The following ZNF346 variants were observed in gnomAD, a reference collection of about 807,000 sequenced individuals.
The protein encoded by ZNF346 is zinc finger protein 346.
Under a neutral mutation model 33.7 loss-of-function variants are expected in ZNF346, and 23 were observed. The ratio of observed to expected loss-of-function variants is 0.68; its 90% CI spans 0.49 to 0.97. ZNF346 has a LOEUF of 0.97. Ranked by LOEUF, ZNF346 falls within the 50% of genes least tolerant of loss-of-function variation. ZNF346 has a pLI of 0.00. For missense variants in ZNF346, 340 were observed against 371.1 expected, an observed-to-expected ratio of 0.92 and a Z score of 0.69; for synonymous variants, 134 against 142.4, an observed-to-expected ratio of 0.94 and a Z score of 0.42.
At chr5:177,050,655 C>A in intron 4 of ZNF346, 96 bp from the exon 5 acceptor site, 1 of 1,382,188 alleles carries the variant, frequency 7.2e-7, no homozygotes, top group Non-Finnish European at 1.0e-6. Context: ...AAAAGCCTGA[C>A]ACCTTCTGGG....
intron 5 of ZNF346, chr5:177,052,294 A>C (rs1446802806): frequency 2.6e-5 from 4 of 151,708 alleles, no homozygotes; most frequent in East Asian, 3.9e-4. Flanking sequence ...CAGCCTCCTG[A>C]GTAGCTGGGA....
intron 1 of ZNF346, among the ~76,000 whole-genome samples, chr5:177,028,704 T>A (rs1777223386): frequency 8.9e-6 from 1 of 111,788 alleles, no homozygotes; most frequent in Non-Finnish European, 1.6e-5. Context: ...AACAAGCCCC[T>A]TTCTTTTTTT....
At chr5:177,044,785 T>G (rs543377013) in intron 4 of ZNF346, among the ~76,000 whole-genome samples, 1 of 152,210 alleles carries the variant, frequency 6.6e-6, no homozygotes, top group African/African-American at 2.4e-5. Context: ...CTAATAATTA[T>G]AACTCAGGAG....
chr5:177,044,816 C>T (rs545480265), intron 4 of ZNF346, among the ~76,000 whole-genome samples: 4 of 152,194 alleles, frequency 2.6e-5, no homozygotes, highest in Admixed American at 6.5e-5. Flanking sequence ...CTCCAGGCCA[C>T]GCATACCATG....
chr5:177,064,474 C>T, intron 6 of ZNF346, 38 bp from the exon 7 acceptor site: 1 of 1,541,426 alleles, frequency 6.5e-7, no homozygotes, highest in South Asian at 1.1e-5. Flanking sequence ...ACAGCTGCCA[C>T]ACACTGACCC....
intron 1 of ZNF346, among the ~76,000 whole-genome samples, chr5:177,037,011 C>A (rs1778603658): frequency 6.6e-6 from 1 of 152,014 alleles, no homozygotes; most frequent in African/African-American, 2.4e-5. Context: ...ACCTGAAGTT[C>A]AGCAGTTTTG....
chr5:177,075,386 A>G (rs540144328), intron 8 of ZNF346, among the ~76,000 whole-genome samples: 8 of 152,338 alleles, frequency 5.3e-5, no homozygotes, highest in African/African-American at 1.7e-4. Context: ...CCTGGGCGAC[A>G]GAGCCAGACA....
At chr5:177,038,081 T>C (rs1048604498) in intron 1 of ZNF346, among the ~76,000 whole-genome samples, 55 of 104,806 alleles carry the variant, frequency 5.2e-4, no homozygotes, top group African/African-American at 3.6e-3. Context: ...CCCATGATGA[T>C]TTTTTTTTTT....
chr5:177,072,684 A>G (rs1783561746), downstream of ZNF346, among the ~76,000 whole-genome samples: 1 of 152,170 alleles, frequency 6.6e-6, no homozygotes, highest in African/African-American at 2.4e-5. Context: ...CCCTGTCTCT[A>G]CTAAAAATAC....
At chr5:177,026,793 A>G (rs1670879177) in intron 1 of ZNF346, among the ~76,000 whole-genome samples, 1 of 152,202 alleles carries the variant, frequency 6.6e-6, no homozygotes, top group African/African-American at 2.4e-5. Flanking sequence ...TGGGACTCAT[A>G]CAAAGTTGTT....
chr5:177,051,014 T>G, intron 5 of ZNF346, 78 bp downstream of exon 5: 1 of 1,156,018 alleles, frequency 8.7e-7, no homozygotes, highest in Non-Finnish European at 1.3e-6. Context: ...GACGTTGTGC[T>G]TTTCCTCCTT....
intron 1 of ZNF346, among the ~76,000 whole-genome samples, chr5:177,028,040 C>CTTGT (rs1777063638): frequency 3.0e-5 from 1 of 33,502 alleles, no homozygotes; most frequent in African/African-American, 1.4e-4. Flanking sequence ...CCTTGTGTCA[C>CTTGT]TTTTTTTTTT....
chr5:177,034,416 G>A (rs1778186463), intron 1 of ZNF346, among the ~76,000 whole-genome samples: 1 of 151,922 alleles, frequency 6.6e-6, no homozygotes, highest in Non-Finnish European at 1.5e-5. Context: ...TGTAAAGACA[G>A]GGTCCCACTA....
At chr5:177,039,622 C>T (rs929281904) in intron 1 of ZNF346, among the ~76,000 whole-genome samples, 4 of 152,134 alleles carry the variant, frequency 2.6e-5, no homozygotes, top group East Asian at 1.9e-4. Context: ...CCACCACCCC[C>T]GGCTAGTTTT....
intron 5 of ZNF346, chr5:177,052,638 G>A (rs1452932769): frequency 1.3e-5 from 2 of 152,198 alleles, no homozygotes; most frequent in Non-Finnish European, 2.9e-5. Context: ...GAGAGAAAAG[G>A]TTGCTTCCTA....
At chr5:177,038,408 C>T (rs935752438) in intron 1 of ZNF346, among the ~76,000 whole-genome samples, 1 of 151,164 alleles carries the variant, frequency 6.6e-6, no homozygotes, top group African/African-American at 2.4e-5. Flanking sequence ...CCACCACAAC[C>T]GGCCCTGTGA....
At chr5:177,053,333 A>AC (rs1374418642) in intron 5 of ZNF346, among the ~76,000 whole-genome samples, 1 of 151,378 alleles carries the variant, frequency 6.6e-6, no homozygotes, top group Admixed American at 6.6e-5. Context: ...AAAAAAAAAA[A>AC]AAAAACAGGG....
intron 1 of ZNF346, among the ~76,000 whole-genome samples, chr5:177,025,128 C>T (rs1776578572): frequency 6.6e-6 from 1 of 152,206 alleles, no homozygotes; most frequent in Non-Finnish European, 1.5e-5. Context: ...CCCACTCCCA[C>T]CTCCTGCCCT....
At chr5:177,031,297 T>C (rs971129159) in intron 1 of ZNF346, among the ~76,000 whole-genome samples, 15 of 152,186 alleles carry the variant, frequency 9.9e-5, no homozygotes, top group Non-Finnish European at 5.9e-5. Flanking sequence ...CCTCCCAAAG[T>C]GCTGGGATTA....
Sources: gnomAD v4.1 joint callset for allele counts (sites outside exome capture counted in the v4.1 genomes callset) on GRCh38, gnomAD v4.1.1 for gene constraint, MANE v1.5 for transcripts, NCBI Gene and HGNC (gene_info 2026-07-23, HGNC 2026-07-21) for gene names.